ABCA13: variants seen among roughly 807,000 people sequenced by gnomAD.
ABCA13 encodes the protein ATP binding cassette subfamily A member 13.
A neutral mutation model predicts 478.7 loss-of-function variants in ABCA13; 476 were observed. That is an observed-to-expected ratio of 0.99 (90% CI 0.92 to 1.07). The LOEUF (loss-of-function observed/expected upper bound fraction) is 1.07, where lower values mean the gene tolerates loss of function less well. Among genes scored for constraint, ABCA13 ranks in the 50% least tolerant of loss-of-function variants. The pLI is 0.00. For synonymous variants in ABCA13, 2,252 were observed against 2,158.9 expected (o/e 1.04, Z -1.20); for missense variants, 6,060 against 5,910.6 (o/e 1.03, Z -0.83).
chr7:48,295,892 C>T, intron 21 of ABCA13, 29 bp downstream of exon 21: 4 of 1,567,830 alleles, frequency 2.6e-6, no homozygotes, highest in Non-Finnish European at 3.5e-6. Context: ...TCATGCCCTC[C>T]CCAGTACTTC....
At chr7:48,530,456 C>T (rs947305830) in intron 55 of ABCA13, among the ~76,000 whole-genome samples, 2 of 151,992 alleles carry the variant, frequency 1.3e-5, no homozygotes, top group African/African-American at 4.8e-5. Flanking sequence ...TAAACGTGTG[C>T]GCAAATATCT....
chr7:48,562,277 TATA>T (rs1243392360), intron 55 of ABCA13, among the ~76,000 whole-genome samples: 1 of 151,094 alleles, frequency 6.6e-6, no homozygotes, highest in Non-Finnish European at 1.5e-5. Context: ...ATGTTATTAT[TATA>T]CTGCTTTTTT....
chr7:48,257,410 C>A (rs566420280), intron 15 of ABCA13, among the ~76,000 whole-genome samples: 2 of 152,164 alleles, frequency 1.3e-5, no homozygotes, highest in African/African-American at 4.8e-5. Context: ...TAGCTCTTTC[C>A]CACTTAGTAT....
Position 48,455,134 on chromosome 7 carries a change from C to A in ABCA13, c.12663C>A (p.Arg4221=). Residue 4221 remains arginine, a synonymous_variant, in exon 43 of 62, where the codon CGC becomes CGA. Coordinates refer to ENST00000435803, the MANE Select transcript of ABCA13 (RefSeq NM_152701.5). ...ILARRLRRTL[R]AGKSTLADLL... is the part of the protein sequence containing the mutation. The stretch of plus-strand genomic sequence containing the variant: ...CCCGGAGGCTCCGCCGCACGCTGCG[C>A]GCCGGGAAGAGCACCCTCGCCGACC... 6.4e-7 allele frequency: 1 copy of A among 1,569,448 alleles called. No homozygotes were observed. Among genetic ancestry groups the A allele is most frequent in the Non-Finnish European group, 8.6e-7 (1 of 1,157,746 alleles).
chr7:48,516,657 T>A, intron 51 of ABCA13, 68 bp from the exon 52 acceptor site: 1 of 1,499,816 alleles, frequency 6.7e-7, no homozygotes, highest in Non-Finnish European at 9.2e-7. Flanking sequence ...TTAGAATGTA[T>A]CTGCCATAGA....
At chr7:48,605,538 C>G (rs1282041877) in intron 58 of ABCA13, among the ~76,000 whole-genome samples, 1 of 152,146 alleles carries the variant, frequency 6.6e-6, no homozygotes, top group Non-Finnish European at 1.5e-5. Context: ...TGAATATTGT[C>G]CCCCATTCTC....
chr7:48,372,515 TAAAAAAA>T lies in ABCA13; in HGVS notation c.11133+30_11133+36del. The T allele has an allele frequency of 2.5e-6, 3 of 1,193,896 alleles. No homozygotes were observed. Among genetic ancestry groups the T allele is most frequent in the Non-Finnish European group, 2.2e-6 (2 of 896,396 alleles). 74.0% of individuals were successfully genotyped at this position (1,193,896 alleles called of 1,614,324 possible). ...CATTTCTGGTAAGTAAGTTGTTTTG[TAAAAAAA>T]AAAAAAAAAAACAACAAAATTGCAA... On this transcript the variant is annotated intron_variant, in intron 33 of 61. Transcript: ENST00000435803.
intron 20 of ABCA13, among the ~76,000 whole-genome samples, chr7:48,290,598 T>A (rs1277975033): frequency 6.6e-6 from 1 of 152,204 alleles, no homozygotes; most frequent in African/African-American, 2.4e-5. Context: ...TATGTCAAAA[T>A]TATTATTTTA....
intron 13 of ABCA13, among the ~76,000 whole-genome samples, chr7:48,246,848 A>G (rs1158667424): frequency 2.0e-5 from 3 of 152,202 alleles, no homozygotes; most frequent in Admixed American, 2.0e-4. Flanking sequence ...CTCAGCATCT[A>G]GGAGTCTTCC....
At chr7:48,271,741 A>G (rs1410918702) in intron 16 of ABCA13, 46 bp from the exon 17 acceptor site, 2 of 1,151,582 alleles carry the variant, frequency 1.7e-6, no homozygotes, top group Middle Eastern at 3.2e-4. Flanking sequence ...GATAAATCAA[A>G]TTTATTTTTT....
chr7:48,321,478 G>T (rs1803450580), intron 27 of ABCA13, among the ~76,000 whole-genome samples: 2 of 152,166 alleles, frequency 1.3e-5, no homozygotes, highest in African/African-American at 4.8e-5. Context: ...TGAGGGCCTT[G>T]GCCCTACCCA....
chr7:48,566,157 T>C (rs1255315972), intron 55 of ABCA13, among the ~76,000 whole-genome samples: 1 of 152,152 alleles, frequency 6.6e-6, no homozygotes, highest in Non-Finnish European at 1.5e-5. Context: ...ATGCCTGCAG[T>C]GAGAAGGTTC....
intron 18 of ABCA13, among the ~76,000 whole-genome samples, chr7:48,280,959 C>A (rs1032916194): frequency 3.3e-5 from 5 of 152,188 alleles, no homozygotes; most frequent in African/African-American, 1.2e-4. Context: ...ACCCCATTCT[C>A]CACCAATCTC....
chr7:48,465,291 G>C (rs1284726258), intron 43 of ABCA13, among the ~76,000 whole-genome samples: 1 of 152,162 alleles, frequency 6.6e-6, no homozygotes, highest in Non-Finnish European at 1.5e-5. Flanking sequence ...TATGTGTACG[G>C]TCACACTGAA....
Position 48,272,896 on chromosome 7 carries a change from T to C in ABCA13, c.3230T>C (p.Ile1077Thr), listed in dbSNP as rs1223355699. The part of the protein sequence containing the change: ...QLLIIDEDFR[I>T]SLFQYMSQFF... Reference sequence around the variant, plus strand: ...CTCATAATTGATGAAGATTTTCGTATTTCTTTATTTCAATATATGAGCCAA... The same window carrying C: ...CTCATAATTGATGAAGATTTTCGTACTTCTTTATTTCAATATATGAGCCAA... The change falls in exon 17 of 62, where the codon ATT becomes ACT. Residue 1077 changes from isoleucine to threonine, a missense_variant. Coordinates refer to ENST00000435803, the MANE Select transcript of ABCA13 (RefSeq NM_152701.5). 1.2e-6 allele frequency: 2 copies of C among 1,610,594 alleles called. No individual in the cohort carries two copies. The highest frequency in any genetic ancestry group is 2.2e-5 in the East Asian group (1 of 44,770).
At position 48,368,697 on chromosome 7, in the gene ABCA13, A is replaced by T. The variant is rs899482330; in HGVS notation, c.10803+789A>T. 1.5e-4 allele frequency among the ~76,000 whole-genome samples: 21 copies of T among 139,690 alleles called. 1 individual carries two copies. The highest frequency in any genetic ancestry group is 3.3e-4 in the Non-Finnish European group (21 of 64,224). The allele number at this position is 139,690 out of a possible 152,430, so 91.6% of individuals were successfully genotyped here. On this transcript the variant is annotated intron_variant, in intron 32 of 61. Transcript: ENST00000435803. ...TGTGTGTGTGTATGTGTATATATAT[A>T]TATATATATATATATATACACATAC...
At chr7:48,211,222 C>T (rs1785605696) in intron 3 of ABCA13, among the ~76,000 whole-genome samples, 1 of 152,152 alleles carries the variant, frequency 6.6e-6, no homozygotes, top group South Asian at 2.1e-4. Context: ...CCAATCTTTG[C>T]AGTCTGGGCT....
intron 55 of ABCA13, among the ~76,000 whole-genome samples, chr7:48,553,591 T>C (rs1484710044): frequency 6.6e-6 from 1 of 152,122 alleles, no homozygotes; most frequent in African/African-American, 2.4e-5. Context: ...GTATACCTGT[T>C]TGTCATTTGT....
At chr7:48,223,977 AG>A (rs1787771948) in intron 5 of ABCA13, among the ~76,000 whole-genome samples, 5 of 136,546 alleles carry the variant, frequency 3.7e-5, no homozygotes, top group South Asian at 2.3e-4. Context: ...AAAAAAAAAA[AG>A]AGAGAGAGAG....
Sources: gnomAD v4.1 joint callset for allele counts (sites outside exome capture counted in the v4.1 genomes callset) on GRCh38, gnomAD v4.1.1 for gene constraint, MANE v1.5 for transcripts, NCBI Gene and HGNC (gene_info 2026-07-23, HGNC 2026-07-21) for gene names.